The following FGF14 variants were observed in gnomAD, a reference collection of about 807,000 sequenced individuals.
FGF14 encodes the protein fibroblast growth factor 14.
In FGF14, 5 loss-of-function variants were observed where a neutral mutation model predicts 25.5. The observed-to-expected ratio is 0.20, with a 90% CI of 0.10 to 0.41. The LOEUF (loss-of-function observed/expected upper bound fraction) is 0.41, where lower values mean the gene tolerates loss of function less well. FGF14 is among the 10% of genes least tolerant of loss of function. FGF14 has a pLI of 1.00. For synonymous variants in FGF14, 138 were observed against 118.3 expected, an observed-to-expected ratio of 1.17 and a Z score of -1.08; for missense variants, 222 against 320.1, an observed-to-expected ratio of 0.69 and a Z score of 2.34.
chr13:101,725,305 T>C (rs1463253804), intron 4 of FGF14, among the ~76,000 whole-genome samples: 1 of 152,062 alleles, frequency 6.6e-6, no homozygotes, highest in East Asian at 1.9e-4. Context: ...AGGGAAATCC[T>C]CTAACTTCTT....
chr13:102,050,445 G>A (rs977865025), intron 1 of FGF14, among the ~76,000 whole-genome samples: 1 of 152,086 alleles, frequency 6.6e-6, no homozygotes, highest in African/African-American at 2.4e-5. Context: ...AACTACAAAC[G>A]TTGAACACCT....
intron 1 of FGF14, among the ~76,000 whole-genome samples, chr13:102,285,027 C>T (rs1210478082): frequency 6.6e-6 from 1 of 151,952 alleles, no homozygotes; most frequent in African/African-American, 2.4e-5. Flanking sequence ...ACCAAAGACA[C>T]AAAAAGTACA....
chr13:101,969,309 A>T (rs931141888), intron 1 of FGF14, among the ~76,000 whole-genome samples: 1 of 152,208 alleles, frequency 6.6e-6, no homozygotes, highest in Non-Finnish European at 1.5e-5. Flanking sequence ...CACGCCTGTA[A>T]TCCCAGCACT....
chr13:102,300,816 G>T (rs183800510), intron 1 of FGF14, among the ~76,000 whole-genome samples: 133 of 151,980 alleles, frequency 8.8e-4, no homozygotes, highest in Admixed American at 1.5e-3. Context: ...AATCACACAT[G>T]AGAGGATTTT....
chr13:102,117,779 A>G (rs1208763076), intron 1 of FGF14, among the ~76,000 whole-genome samples: 2 of 152,208 alleles, frequency 1.3e-5, no homozygotes, highest in African/African-American at 4.8e-5. Flanking sequence ...TTTGGTAAGG[A>G]CAGGGAAAAA....
At chr13:102,310,685 C>CTCTCTCTGTGTG (rs369697906) in intron 1 of FGF14, among the ~76,000 whole-genome samples, 1 of 6,856 alleles carries the variant, frequency 1.5e-4, no homozygotes, top group African/African-American at 6.6e-4. Flanking sequence ...CTCTCTCTCT[C>CTCTCTCTGTGTG]TGTGTGTGTG....
At chr13:101,760,887 T>C (rs1036318224) in intron 3 of FGF14, among the ~76,000 whole-genome samples, 1 of 152,188 alleles carries the variant, frequency 6.6e-6, no homozygotes, top group African/African-American at 2.4e-5. Flanking sequence ...ATTTGTCTAA[T>C]AAATCTAAAG....
At chr13:101,815,791 T>C (rs898243281) in intron 3 of FGF14, among the ~76,000 whole-genome samples, 2 of 151,800 alleles carry the variant, frequency 1.3e-5, no homozygotes, top group Admixed American at 1.3e-4. Context: ...TGGTTCTGAG[T>C]GCCTGATTAG....
chr13:102,387,708 G>GT (rs60729587), intron 1 of FGF14, among the ~76,000 whole-genome samples: 7,390 of 148,186 alleles, frequency 0.05, 531 homozygotes, highest in African/African-American at 0.16. Context: ...CCACTAGGCA[G>GT]TTTTTTTTTT....
chr13:101,974,001 T>G (rs1338660324), intron 1 of FGF14, among the ~76,000 whole-genome samples: 1 of 152,236 alleles, frequency 6.6e-6, no homozygotes, highest in East Asian at 1.9e-4. Flanking sequence ...AAATATTTCA[T>G]GCAATATAAT....
chr13:101,821,523 A>G (rs2042156091), intron 3 of FGF14, among the ~76,000 whole-genome samples: 1 of 152,246 alleles, frequency 6.6e-6, no homozygotes, highest in Non-Finnish European at 1.5e-5. Flanking sequence ...ATGAACTTTT[A>G]GTAGAAACAT....
intron 1 of FGF14, among the ~76,000 whole-genome samples, chr13:101,930,257 A>G (rs2034658948): frequency 6.6e-6 from 1 of 152,206 alleles, no homozygotes; most frequent in African/African-American, 2.4e-5. Context: ...AAGGTTGCAA[A>G]TCTCAGAGGC....
intron 1 of FGF14, among the ~76,000 whole-genome samples, chr13:102,097,107 C>G (rs1217342696): frequency 6.6e-6 from 1 of 151,608 alleles, no homozygotes; most frequent in African/African-American, 2.4e-5. Context: ...TGAAAAAATC[C>G]CTCCCAGGTA....
intron 1 of FGF14, among the ~76,000 whole-genome samples, chr13:101,894,435 C>T (rs999429767): frequency 5.3e-5 from 8 of 152,122 alleles, no homozygotes; most frequent in Non-Finnish European, 8.8e-5. Flanking sequence ...GTCCAATGAA[C>T]TCCCCCAGTC....
chr13:101,902,548 A>T (rs1566405359), intron 1 of FGF14, among the ~76,000 whole-genome samples: 1 of 152,208 alleles, frequency 6.6e-6, no homozygotes, highest in Non-Finnish European at 1.5e-5. Context: ...GCCAATATTG[A>T]TACCAAGCCA....
chr13:102,134,717 C>A (rs2046336297), intron 1 of FGF14, among the ~76,000 whole-genome samples: 1 of 152,080 alleles, frequency 6.6e-6, no homozygotes, highest in Non-Finnish European at 1.5e-5. Flanking sequence ...GATATGGCAT[C>A]TGAGATGGAG....
chr13:102,301,905 G>A (rs1438634024), intron 1 of FGF14, among the ~76,000 whole-genome samples: 3 of 150,236 alleles, frequency 2.0e-5, no homozygotes, highest in Non-Finnish European at 4.4e-5. Context: ...TGCCTTCACT[G>A]AGAAAGAAAG....
intron 1 of FGF14, among the ~76,000 whole-genome samples, chr13:102,273,360 T>G (rs1354119398): frequency 6.6e-6 from 1 of 152,216 alleles, no homozygotes; most frequent in Non-Finnish European, 1.5e-5. Context: ...ATTTCCTTCC[T>G]GTGCATAGCC....
At chr13:101,982,774 A>C (rs1418905961) in intron 1 of FGF14, among the ~76,000 whole-genome samples, 2 of 152,204 alleles carry the variant, frequency 1.3e-5, no homozygotes, top group East Asian at 3.9e-4. Flanking sequence ...ATAAAACCTT[A>C]TTTATTGTCT....
Sources: allele counts gnomAD v4.1 joint callset (sites outside exome capture counted in the v4.1 genomes callset), GRCh38; gene constraint gnomAD v4.1.1; transcripts MANE v1.5; gene names NCBI Gene and HGNC (gene_info 2026-07-23, HGNC 2026-07-21).